Variants in DCLK1 observed in about 807,000 individuals in gnomAD.
DCLK1 encodes the protein doublecortin like kinase 1, also known as serine/threonine-protein kinase DCLK1.
A neutral mutation model predicts 86.2 loss-of-function variants in DCLK1; 16 were observed. The observed-to-expected ratio is 0.19, with a 90% CI of 0.13 to 0.28. The LOEUF (loss-of-function observed/expected upper bound fraction) is 0.28. Among genes scored for constraint, DCLK1 ranks in the 10% least tolerant of loss-of-function variants. The pLI is 1.00. For synonymous variants in DCLK1, 369 were observed against 370.5 expected, an observed-to-expected ratio of 1.00 and a Z score of 0.05; for missense variants, 590 against 940.2, an observed-to-expected ratio of 0.63 and a Z score of 4.87.
chr13:36,014,063 G>A (rs776436538), intron 3 of DCLK1, among the ~76,000 whole-genome samples: 3 of 152,238 alleles, frequency 2.0e-5, no homozygotes, highest in East Asian at 1.9e-4. Context: ...GCCCTGCTTC[G>A]GCTCGCGCAC....
At chr13:35,951,976 C>A (rs1027583088) in intron 3 of DCLK1, among the ~76,000 whole-genome samples, 2 of 152,156 alleles carry the variant, frequency 1.3e-5, no homozygotes, top group African/African-American at 2.4e-5. Flanking sequence ...ACAGCACTAT[C>A]AACAGAGCCC....
At chr13:35,912,433 A>T (rs1439087090) in intron 4 of DCLK1, among the ~76,000 whole-genome samples, 1 of 152,144 alleles carries the variant, frequency 6.6e-6, no homozygotes, top group Non-Finnish European at 1.5e-5. Context: ...TGTGCCTATA[A>T]AGACCCCAGA....
At chr13:35,997,087 G>T (rs1173159978) in intron 3 of DCLK1, among the ~76,000 whole-genome samples, 1 of 152,268 alleles carries the variant, frequency 6.6e-6, no homozygotes, top group East Asian at 1.9e-4. Flanking sequence ...AAGCCAATTA[G>T]TTTCCAGAAT....
At chr13:35,922,111 T>G (rs986180833) in intron 4 of DCLK1, among the ~76,000 whole-genome samples, 5 of 152,232 alleles carry the variant, frequency 3.3e-5, no homozygotes, top group Non-Finnish European at 7.3e-5. Flanking sequence ...TGTTTACTTT[T>G]TAAAATCATC....
intron 3 of DCLK1, among the ~76,000 whole-genome samples, chr13:35,999,857 C>A (rs61948276): frequency 6.6e-6 from 1 of 152,032 alleles, no homozygotes; most frequent in Non-Finnish European, 1.5e-5. Context: ...TAATCCTAGA[C>A]TGTTGCTTAC....
In DCLK1 at chr13:35,821,799, T is replaced by C. The variant is rs914361650; in HGVS notation, c.1554+930A>G. ...AGTGAAGCACCCCATACTTAGTCTC[T>C]ACCTCCTCTTTTTTTCCTATGTATT... is the stretch of plus-strand genomic sequence containing the variant. On this transcript the variant is annotated intron_variant, in intron 11 of 16. Coordinates refer to ENST00000360631, the MANE Select transcript of DCLK1 (RefSeq NM_001330071.2). Among the ~76,000 whole-genome samples the C allele has an allele frequency of 7.2e-5, 11 of 151,878 alleles. No homozygotes were observed. The East Asian group carries it at 1.2e-3, about 16-fold the overall frequency.
intron 4 of DCLK1, among the ~76,000 whole-genome samples, chr13:35,879,347 G>T (rs994706929): frequency 6.6e-6 from 1 of 152,334 alleles, no homozygotes; most frequent in Admixed American, 6.5e-5. Flanking sequence ...TAGAGGCACT[G>T]CTGGGAGCAG....
intron 4 of DCLK1, among the ~76,000 whole-genome samples, chr13:35,914,065 C>T (rs1440769006): frequency 6.6e-6 from 1 of 151,954 alleles, no homozygotes; most frequent in Admixed American, 6.5e-5. Context: ...TGCCTGTAGT[C>T]CCAGCACTTT....
At chr13:35,941,825 A>G (rs1358975847) in intron 4 of DCLK1, among the ~76,000 whole-genome samples, 3 of 152,188 alleles carry the variant, frequency 2.0e-5, no homozygotes, top group Non-Finnish European at 2.9e-5. Flanking sequence ...AGGGGCAAAA[A>G]CATTTTCCAG....
intron 3 of DCLK1, among the ~76,000 whole-genome samples, chr13:36,014,053 G>A (rs561608464): frequency 5.9e-5 from 9 of 152,272 alleles, no homozygotes; most frequent in East Asian, 5.8e-4. Flanking sequence ...GCAATGCCTC[G>A]CCCTGCTTCG....
intron 3 of DCLK1, among the ~76,000 whole-genome samples, chr13:36,019,987 C>T (rs1011664669): frequency 6.6e-6 from 1 of 152,176 alleles, no homozygotes; most frequent in African/African-American, 2.4e-5. Flanking sequence ...GTGCCATCCT[C>T]CCAGTAATGA....
chr13:35,786,508 G>T (rs1399688895), intron 16 of DCLK1, among the ~76,000 whole-genome samples: 1 of 152,174 alleles, frequency 6.6e-6, no homozygotes, highest in African/African-American at 2.4e-5. Flanking sequence ...CCCTCGAGGT[G>T]AAGTGACCCC....
intron 11 of DCLK1, among the ~76,000 whole-genome samples, chr13:35,811,242 A>T (rs192271398): frequency 1.3e-5 from 2 of 152,296 alleles, no homozygotes; most frequent in East Asian, 3.9e-4. Context: ...AAATGGCGAT[A>T]CAGGTTTATA....
chr13:35,783,915 A>G (rs971879541), intron 16 of DCLK1, among the ~76,000 whole-genome samples: 1 of 152,200 alleles, frequency 6.6e-6, no homozygotes, highest in African/African-American at 2.4e-5. Context: ...TAAAAGTGTC[A>G]TGTGTCTGAC....
At chr13:36,008,083 T>C (rs1197938756) in intron 3 of DCLK1, among the ~76,000 whole-genome samples, 1 of 150,686 alleles carries the variant, frequency 6.6e-6, no homozygotes, top group Non-Finnish European at 1.5e-5. Flanking sequence ...GCCTATCATT[T>C]CCAATCACTT....
chr13:35,889,120 C>T (rs936807159), intron 4 of DCLK1, among the ~76,000 whole-genome samples: 2 of 152,296 alleles, frequency 1.3e-5, no homozygotes, highest in East Asian at 3.9e-4. Flanking sequence ...ATAAAAATTA[C>T]AGAAACCTAA....
At chr13:35,993,855 C>G (rs1447951329) in intron 3 of DCLK1, among the ~76,000 whole-genome samples, 1 of 148,618 alleles carries the variant, frequency 6.7e-6, no homozygotes, top group Non-Finnish European at 1.5e-5. Flanking sequence ...AAAAAAAAAG[C>G]TAGGATAAGT....
At chr13:35,926,612 C>A (rs1389135195) in intron 4 of DCLK1, among the ~76,000 whole-genome samples, 1 of 152,196 alleles carries the variant, frequency 6.6e-6, no homozygotes, top group Non-Finnish European at 1.5e-5. Flanking sequence ...CACTAAAGAT[C>A]TCAAATTTGC....
At chr13:35,906,074 T>C (rs1566596173) in intron 4 of DCLK1, among the ~76,000 whole-genome samples, 1 of 152,202 alleles carries the variant, frequency 6.6e-6, no homozygotes, top group Non-Finnish European at 1.5e-5. Context: ...AGCATTGTTC[T>C]TTTCCTCCCT....
Sources: allele counts gnomAD v4.1 joint callset (sites outside exome capture counted in the v4.1 genomes callset), GRCh38; gene constraint gnomAD v4.1.1; transcripts MANE v1.5; gene names NCBI Gene and HGNC (gene_info 2026-07-23, HGNC 2026-07-21).